Variants in ZBTB20 observed in about 807,000 individuals in gnomAD.
ZBTB20 encodes zinc finger and BTB domain-containing protein 20.
In ZBTB20, 9 loss-of-function variants were observed where a neutral mutation model predicts 56.9. That is an observed-to-expected ratio of 0.16 (90% confidence interval 0.10 to 0.28). ZBTB20 has a LOEUF of 0.28. Among genes scored for constraint, ZBTB20 ranks in the 10% least tolerant of loss-of-function variants. ZBTB20 has a pLI of 1.00. For missense variants in ZBTB20, 655 were observed against 1,003.0 expected, an observed-to-expected ratio of 0.65 and a Z score of 4.69; for synonymous variants, 417 against 420.7, an observed-to-expected ratio of 0.99 and a Z score of 0.11.
intron 7 of ZBTB20, among the ~76,000 whole-genome samples, chr3:114,457,066 C>T (rs1017284499): frequency 6.6e-6 from 1 of 152,222 alleles, no homozygotes; most frequent in Non-Finnish European, 1.5e-5. Context: ...GGGAAGGAAT[C>T]AGTGATTTTG....
At chr3:114,969,372 T>C (rs1456475744) in intron 3 of ZBTB20, among the ~76,000 whole-genome samples, 1 of 152,194 alleles carries the variant, frequency 6.6e-6, no homozygotes, top group Non-Finnish European at 1.5e-5. Context: ...AATTCACTGA[T>C]ACATCGATCC....
chr3:114,672,969 T>A (rs1170193922), intron 6 of ZBTB20, among the ~76,000 whole-genome samples: 1 of 152,158 alleles, frequency 6.6e-6, no homozygotes, highest in Non-Finnish European at 1.5e-5. Flanking sequence ...ATTCTTGGAA[T>A]CTGAATTTTA....
intron 4 of ZBTB20, among the ~76,000 whole-genome samples, chr3:114,829,495 G>A (rs2073729467): frequency 6.6e-6 from 1 of 151,760 alleles, no homozygotes. Flanking sequence ...TCTTCATATA[G>A]GCAAAAGAGA....
At chr3:115,128,246 T>C (rs1185369883) in intron 1 of ZBTB20, among the ~76,000 whole-genome samples, 3 of 152,260 alleles carry the variant, frequency 2.0e-5, no homozygotes, top group Non-Finnish European at 4.4e-5. Context: ...AATACACAAG[T>C]AGAAGGTGAA....
At chr3:114,709,852 G>A (rs1304640168) in intron 5 of ZBTB20, among the ~76,000 whole-genome samples, 1 of 152,068 alleles carries the variant, frequency 6.6e-6, no homozygotes, top group African/African-American at 2.4e-5. Context: ...CGGTGTCCTT[G>A]TTCTCCATCC....
intron 6 of ZBTB20, among the ~76,000 whole-genome samples, chr3:114,558,677 G>C (rs1166885258): frequency 6.6e-6 from 1 of 152,184 alleles, no homozygotes; most frequent in Non-Finnish European, 1.5e-5. Context: ...CACAGAAACT[G>C]TAGTGATTTC....
chr3:114,550,596 G>A (rs1442421508), intron 6 of ZBTB20, among the ~76,000 whole-genome samples: 1 of 152,084 alleles, frequency 6.6e-6, no homozygotes, highest in Non-Finnish European at 1.5e-5. Context: ...TTTTTGGGGG[G>A]TTGTCTTTAA....
chr3:114,708,950 C>A (rs2063880523), intron 5 of ZBTB20, among the ~76,000 whole-genome samples: 1 of 152,080 alleles, frequency 6.6e-6, no homozygotes, highest in African/African-American at 2.4e-5. Context: ...AACCTTCCTT[C>A]TCTAAAGGCC....
At chr3:114,398,231 C>T (rs1335194392) in intron 7 of ZBTB20, among the ~76,000 whole-genome samples, 1 of 142,910 alleles carries the variant, frequency 7.0e-6, no homozygotes, top group Admixed American at 7.2e-5. Flanking sequence ...TGGTTTACTG[C>T]CTGTTTGCTA....
rs188322494 is a variant in ZBTB20 at position 114,337,910 on chromosome 3, T to G, written c.*1095A>C. The G allele has an allele frequency of 6.6e-5, 10 of 151,934 alleles. No homozygotes were observed. The East Asian group carries it at 1.9e-3, about 29-fold the overall frequency. 9.4% of individuals were successfully genotyped at this position (151,934 alleles called of 1,614,324 possible). A position where few individuals can be genotyped will look rare whatever the true frequency, so the allele number is the denominator to read the frequency against. ...AATTACTTTTAACAATTTCACTTTT[T>G]TTGTTTTTTTTTTTACACAAATACT... On this transcript the variant is annotated 3_prime_UTR_variant, in exon 12 of 12. Transcript: ENST00000675478.
chr3:114,951,590 C>G (rs1390469741), intron 3 of ZBTB20, among the ~76,000 whole-genome samples: 1 of 152,094 alleles, frequency 6.6e-6, no homozygotes, highest in African/African-American at 2.4e-5. Context: ...GTAAGCAAAA[C>G]TGATATTGAA....
At chr3:114,416,143 G>T (rs561547133) in intron 7 of ZBTB20, among the ~76,000 whole-genome samples, 1 of 152,044 alleles carries the variant, frequency 6.6e-6, no homozygotes, top group East Asian at 1.9e-4. Context: ...GTTGAGCATA[G>T]AATTTGCCCA....
chr3:115,087,299 A>G (rs1297495436), intron 1 of ZBTB20, among the ~76,000 whole-genome samples: 3 of 151,840 alleles, frequency 2.0e-5, no homozygotes, highest in Non-Finnish European at 4.4e-5. Flanking sequence ...GAACTCTGCC[A>G]TGAGCTCAGA....
intron 6 of ZBTB20, among the ~76,000 whole-genome samples, chr3:114,588,901 G>A (rs2055456564): frequency 6.6e-6 from 1 of 152,152 alleles, no homozygotes; most frequent in African/African-American, 2.4e-5. Flanking sequence ...TCGCATGGCT[G>A]GGGAAGCCTC....
chr3:114,609,674 A>G (rs1487052557), intron 6 of ZBTB20, among the ~76,000 whole-genome samples: 1 of 152,128 alleles, frequency 6.6e-6, no homozygotes, highest in Non-Finnish European at 1.5e-5. Context: ...AGACGCTTGG[A>G]GCACAATAAT....
chr3:114,772,256 G>A (rs966819168), intron 5 of ZBTB20, among the ~76,000 whole-genome samples: 1 of 152,112 alleles, frequency 6.6e-6, no homozygotes, highest in African/African-American at 2.4e-5. Flanking sequence ...CAGGAGAATC[G>A]CTTGAACCTG....
chr3:114,753,438 C>CGTATATATAT (rs1560210058), intron 5 of ZBTB20, among the ~76,000 whole-genome samples: 1 of 10,562 alleles, frequency 9.5e-5, no homozygotes, highest in African/African-American at 1.3e-4. Context: ...TATATACACA[C>CGTATATATAT]ACACTTTTTT....
At chr3:114,538,759 A>C (rs966863166) in intron 6 of ZBTB20, among the ~76,000 whole-genome samples, 4 of 152,164 alleles carry the variant, frequency 2.6e-5, no homozygotes, top group Non-Finnish European at 5.9e-5. Context: ...TCACCTAAGA[A>C]CTGTTTTCTC....
At chr3:115,094,485 A>G (rs901262688) in intron 1 of ZBTB20, among the ~76,000 whole-genome samples, 3 of 151,734 alleles carry the variant, frequency 2.0e-5, no homozygotes, top group Admixed American at 6.6e-5. Context: ...ATACACATAT[A>G]TATCAACTAG....
Sources: gnomAD v4.1 joint callset for allele counts (sites outside exome capture counted in the v4.1 genomes callset) on GRCh38, gnomAD v4.1.1 for gene constraint, MANE v1.5 for transcripts, NCBI Gene and HGNC (gene_info 2026-07-23, HGNC 2026-07-21) for gene names.